The following DHX57 variants were observed in gnomAD, a reference collection of about 807,000 sequenced individuals.
DHX57 encodes the protein DExH-box helicase 57.
In DHX57, 105 loss-of-function variants were observed where a neutral mutation model predicts 156.2. The observed-to-expected ratio is 0.67, with a 90% CI of 0.57 to 0.79. The LOEUF is 0.79. Ranked by LOEUF, DHX57 falls within the 30% of genes least tolerant of loss-of-function variation. DHX57 has a pLI of 0.00. For synonymous variants in DHX57, 704 were observed against 595.6 expected, an observed-to-expected ratio of 1.18 and a Z score of -2.65; for missense variants, 1,847 against 1,661.9, an observed-to-expected ratio of 1.11 and a Z score of -1.94.
At chr2:38,808,385 A>G (rs1391706306) in intron 21 of DHX57, among the ~76,000 whole-genome samples, 1 of 152,216 alleles carries the variant, frequency 6.6e-6, no homozygotes, top group East Asian at 1.9e-4. Context: ...ACATGTCTTG[A>G]AACTAAAATA....
In DHX57 at chr2:38,861,108, G is replaced by A. The variant is rs143658694; in HGVS notation, c.1302C>T (p.Asp434=). ...GTACTGGCAGAAAGTTCACAGGAGGGTCACTATACTTGTGGTGGGTATTCG... is the reference window on the plus strand; with the variant it reads ...GTACTGGCAGAAAGTTCACAGGAGGATCACTATACTTGTGGTGGGTATTCG... ...LLTNTHHKYS[D]PPVNFLPVPS... Residue 434 remains aspartate (D), a synonymous_variant, in exon 5 of 24, where the codon GAC becomes GAT. Coordinates refer to ENST00000457308, the MANE Select transcript of DHX57 (RefSeq NM_198963.3). 1,675 of 1,614,206 alleles carry A rather than the reference G, an allele frequency of 1.0e-3. 3 individuals carry two copies. The highest frequency in any genetic ancestry group is 1.0e-3 in the Non-Finnish European group (1,179 of 1,180,032).
chr2:38,848,320 C>T lies in DHX57; in HGVS notation c.2113G>A (p.Ala705Thr), dbSNP rs766619040. Reference sequence around the variant, plus strand: ...TTAAAATAGTCTGAAAAAAGCTCAGCGTTTAGAGTTGCACTCATTAAAATA... The same window carrying T: ...TTAAAATAGTCTGAAAAAAGCTCAGTGTTTAGAGTTGCACTCATTAAAATA... ...QVILMSATLN[A>T]ELFSDYFNSC... Residue 705 changes from alanine (A) to threonine (T), a missense_variant, in exon 10 of 24, where the codon GCT becomes ACT. Transcript: ENST00000457308. 13 of 1,610,480 alleles carry T rather than the reference C, an allele frequency of 8.1e-6. No homozygotes were observed. In the East Asian group the frequency reaches 1.8e-4, roughly 22 times the overall value.
intron 20 of DHX57, among the ~76,000 whole-genome samples, chr2:38,815,294 A>G (rs1670469202): frequency 6.6e-6 from 1 of 151,630 alleles, no homozygotes; most frequent in Admixed American, 6.6e-5. Flanking sequence ...CGAACTCCTG[A>G]GCTCAAGCAA....
intron 17 of DHX57, among the ~76,000 whole-genome samples, chr2:38,819,443 TG>T (rs1328845281): frequency 6.6e-6 from 1 of 152,236 alleles, no homozygotes; most frequent in Non-Finnish European, 1.5e-5. Flanking sequence ...ACCAAAATGC[TG>T]GCATTATAGG....
At chr2:38,874,186 G>C (rs572165798) in intron 1 of DHX57, among the ~76,000 whole-genome samples, 5 of 151,836 alleles carry the variant, frequency 3.3e-5, no homozygotes, top group Non-Finnish European at 7.4e-5. Context: ...CGATCTCCTA[G>C]GCTCAAGCAA....
At chr2:38,848,495 G>T in intron 9 of DHX57, 93 bp from the exon 10 acceptor site, 1 of 1,291,094 alleles carries the variant, frequency 7.7e-7, no homozygotes, top group East Asian at 2.4e-5. Context: ...AAATGTGTAA[G>T]ATCTCTGTGA....
At chr2:38,852,978 C>G (rs1397768602) in intron 9 of DHX57, 1 of 157,694 alleles carries the variant, frequency 6.3e-6, no homozygotes, top group Non-Finnish European at 1.4e-5. Flanking sequence ...CCCCTTCCCA[C>G]TGCAAAATCT....
chr2:38,831,888 G>A (rs1671402834), intron 13 of DHX57, among the ~76,000 whole-genome samples: 1 of 151,506 alleles, frequency 6.6e-6, no homozygotes, highest in Admixed American at 6.6e-5. Context: ...GGGACATGGT[G>A]GTGCACACCT....
intron 13 of DHX57, among the ~76,000 whole-genome samples, chr2:38,829,222 C>T (rs1315876521): frequency 1.3e-5 from 2 of 151,758 alleles, no homozygotes; most frequent in African/African-American, 4.8e-5. Context: ...GGATTACAGG[C>T]ATGAGCCACT....
Position 38,861,176 on chromosome 2 carries a change from TC to T in DHX57, c.1233del (p.Ile412Ter). The T allele has an allele frequency of 6.2e-7, 1 of 1,614,130 alleles. No homozygotes were observed. The highest frequency in any genetic ancestry group is 1.1e-5 in the South Asian group (1 of 91,088). ...AETSEPVVYS[L>X]ITLLEEESEI... is the part of the protein sequence containing the mutation. ...TCCGACTCTTCCTCTAAAAGGGTTATCAAAGAATATACGACAGGTTCCGAAG... is the reference window on the plus strand; with the variant it reads ...TCCGACTCTTCCTCTAAAAGGGTTATAAAGAATATACGACAGGTTCCGAAG... On this transcript the variant is annotated frameshift_variant, in exon 5 of 24. Transcript: ENST00000457308. LOFTEE classifies it high-confidence loss of function.
intron 12 of DHX57, 70 bp from the exon 13 acceptor site, chr2:38,838,017 AC>A: frequency 1.0e-6 from 1 of 968,636 alleles, no homozygotes; most frequent in Non-Finnish European, 1.7e-6. Context: ...GTATATTTAT[AC>A]CATATACAAT....
At chr2:38,828,103 G>A (rs1261064204) in intron 14 of DHX57, among the ~76,000 whole-genome samples, 1 of 152,132 alleles carries the variant, frequency 6.6e-6, no homozygotes, top group Non-Finnish European at 1.5e-5. Context: ...TGATCCGCCC[G>A]CCTCGGCCTC....
rs1261867681 is a variant in DHX57 at position 38,825,973 on chromosome 2, C to T, written c.2888G>A (p.Gly963Asp). Reference sequence around the variant, plus strand: ...CCCAGATGCAACACGGCCTGCTCGGCCTTTCCTTTGTAGAGCATTAGCTTG... The same window carrying T: ...CCCAGATGCAACACGGCCTGCTCGGTCTTTCCTTTGTAGAGCATTAGCTTG... Reference protein sequence around the residue: ...VSQANALQRKGRAGRVASGVC... With the variant: ...VSQANALQRKDRAGRVASGVC... Residue 963 changes from glycine (G) to aspartate (D), a missense_variant, in exon 16 of 24, where the codon GGC (glycine) becomes GAC (aspartate). Transcript: ENST00000457308. The T allele has an allele frequency of 6.2e-7, 1 of 1,614,072 alleles. No homozygotes were observed. The highest frequency in any genetic ancestry group is 8.5e-7 in the Non-Finnish European group (1 of 1,180,040).
At chr2:38,845,586 TCTCGGCA>T (rs1672235066) in intron 11 of DHX57, among the ~76,000 whole-genome samples, 1 of 152,058 alleles carries the variant, frequency 6.6e-6, no homozygotes, top group South Asian at 2.1e-4. Flanking sequence ...ATCTGGGAGT[TCTCGGCA>T]CAGGGATGAC....
At chr2:38,840,710 T>C (rs780786327) in intron 12 of DHX57, among the ~76,000 whole-genome samples, 1 of 152,094 alleles carries the variant, frequency 6.6e-6, no homozygotes, top group Non-Finnish European at 1.5e-5. Flanking sequence ...AAAAAGGGGG[T>C]CCCAAAGGTA....
intron 5 of DHX57, among the ~76,000 whole-genome samples, chr2:38,859,342 G>C (rs1311975446): frequency 6.6e-6 from 1 of 152,152 alleles, no homozygotes; most frequent in Non-Finnish European, 1.5e-5. Flanking sequence ...CATAGAGATA[G>C]ACAGCAGATT....
At chr2:38,862,359 T>A in intron 3 of DHX57, 26 bp from the exon 4 acceptor site, 1 of 1,517,122 alleles carries the variant, frequency 6.6e-7, no homozygotes, top group Non-Finnish European at 8.9e-7. Context: ...TTTTCATATA[T>A]TAGATATTAC....
chr2:38,863,261 T>C (rs1022693078), intron 3 of DHX57, 100 bp downstream of exon 3: 1 of 1,244,706 alleles, frequency 8.0e-7, no homozygotes, highest in Non-Finnish European at 1.1e-6. Flanking sequence ...ATGGCCACAA[T>C]AGAATCAGTA....
intron 22 of DHX57, 145 bp from the exon 23 acceptor site, chr2:38,803,060 G>T: frequency 1.4e-6 from 1 of 731,930 alleles, no homozygotes; most frequent in South Asian, 1.8e-5. Context: ...CTCCAGATCT[G>T]CAGTATAACT....
Sources: gnomAD v4.1 joint callset for allele counts (sites outside exome capture counted in the v4.1 genomes callset) on GRCh38, gnomAD v4.1.1 for gene constraint, MANE v1.5 for transcripts, NCBI Gene and HGNC (gene_info 2026-07-23, HGNC 2026-07-21) for gene names.